PTPRD: variants seen among roughly 807,000 people sequenced by gnomAD.
PTPRD encodes protein tyrosine phosphatase receptor type D, also known as receptor-type tyrosine-protein phosphatase delta.
In PTPRD, 34 loss-of-function variants were observed where a neutral mutation model predicts 214.5. The ratio of observed to expected loss-of-function variants is 0.16; its 90% CI spans 0.12 to 0.21. The LOEUF is 0.21. Among genes scored for constraint, PTPRD ranks in the 10% least tolerant of loss-of-function variants. The pLI, the probability that PTPRD is intolerant of heterozygous loss-of-function variation, is 1.00. For missense variants in PTPRD, 2,545 were observed against 2,398.7 expected (o/e 1.06, Z -1.27); for synonymous variants, 1,128 against 845.7 (o/e 1.33, Z -5.79).
chr9:10,063,647 T>C (rs1339708922), intron 3 of PTPRD, among the ~76,000 whole-genome samples: 1 of 152,032 alleles, frequency 6.6e-6, no homozygotes, highest in Non-Finnish European at 1.5e-5. Context: ...TCATATGTAC[T>C]TGATTACAAA....
At chr9:8,762,990 A>C (rs1231740524) in intron 11 of PTPRD, among the ~76,000 whole-genome samples, 2 of 152,112 alleles carry the variant, frequency 1.3e-5, no homozygotes, top group Non-Finnish European at 2.9e-5. Flanking sequence ...CAGGCTATCC[A>C]ATGAGTCTCT....
At chr9:9,849,388 C>A (rs1488234049) in intron 5 of PTPRD, among the ~76,000 whole-genome samples, 1 of 152,102 alleles carries the variant, frequency 6.6e-6, no homozygotes, top group Non-Finnish European at 1.5e-5. Context: ...TATCAATGCT[C>A]TCTTTCAGTT....
chr9:8,717,050 C>A (rs1034422157), intron 12 of PTPRD, among the ~76,000 whole-genome samples: 1 of 152,112 alleles, frequency 6.6e-6, no homozygotes, highest in African/African-American at 2.4e-5. Context: ...TGCCTGTAAT[C>A]CCAGCTACTG....
At chr9:9,774,037 G>C (rs1485805648) in intron 5 of PTPRD, among the ~76,000 whole-genome samples, 1 of 152,186 alleles carries the variant, frequency 6.6e-6, no homozygotes, top group African/African-American at 2.4e-5. Flanking sequence ...GACTCATGCA[G>C]GTAAGTGGAC....
chr9:10,072,980 T>C (rs1177455111), intron 3 of PTPRD, among the ~76,000 whole-genome samples: 6 of 151,994 alleles, frequency 3.9e-5, no homozygotes, highest in Admixed American at 6.6e-5. Context: ...ATCCATAGAG[T>C]AGAATACTTC....
At chr9:9,499,569 T>C (rs894217760) in intron 8 of PTPRD, among the ~76,000 whole-genome samples, 1 of 152,112 alleles carries the variant, frequency 6.6e-6, no homozygotes, top group Non-Finnish European at 1.5e-5. Flanking sequence ...GCTGGTAAAG[T>C]TGGCTAATTT....
At chr9:10,446,468 G>T (rs896960509) in intron 2 of PTPRD, among the ~76,000 whole-genome samples, 2 of 107,676 alleles carry the variant, frequency 1.9e-5, no homozygotes, top group Admixed American at 2.6e-4. Flanking sequence ...ACAGCTAAAA[G>T]ATTGAAATTC....
chr9:10,393,205 T>A (rs1047709516), intron 2 of PTPRD, among the ~76,000 whole-genome samples: 4 of 151,848 alleles, frequency 2.6e-5, no homozygotes, highest in Non-Finnish European at 5.9e-5. Context: ...ATAGTGTCCA[T>A]AGTAATAAAC....
chr9:8,489,598 C>G (rs1197962043), intron 27 of PTPRD, among the ~76,000 whole-genome samples: 1 of 152,112 alleles, frequency 6.6e-6, no homozygotes, highest in South Asian at 2.1e-4. Flanking sequence ...AAGGGTCACA[C>G]GAAGCGATGC....
intron 4 of PTPRD, among the ~76,000 whole-genome samples, chr9:9,994,795 C>A (rs2096066717): frequency 6.6e-6 from 1 of 151,990 alleles, no homozygotes; most frequent in African/African-American, 2.4e-5. Context: ...CAAACAATAA[C>A]TTTTTGTTTT....
At chr9:9,862,479 G>A (rs2153693514) in intron 5 of PTPRD, among the ~76,000 whole-genome samples, 1 of 152,258 alleles carries the variant, frequency 6.6e-6, no homozygotes, top group East Asian at 1.9e-4. Context: ...TCTTCCTTGG[G>A]CTTAGGGAGA....
At chr9:9,305,440 T>C (rs1473384755) in intron 9 of PTPRD, among the ~76,000 whole-genome samples, 1 of 152,084 alleles carries the variant, frequency 6.6e-6, no homozygotes, top group East Asian at 1.9e-4. Context: ...GTTATTAAGG[T>C]AACCTATCTA....
At chr9:9,908,543 A>C (rs895275580) in intron 5 of PTPRD, among the ~76,000 whole-genome samples, 7 of 152,064 alleles carry the variant, frequency 4.6e-5, no homozygotes, top group African/African-American at 1.7e-4. Flanking sequence ...AATGTATATT[A>C]TTTCTCAAAT....
chr9:9,032,169 C>G (rs1232024221), intron 10 of PTPRD, among the ~76,000 whole-genome samples: 1 of 151,862 alleles, frequency 6.6e-6, no homozygotes, highest in Non-Finnish European at 1.5e-5. Flanking sequence ...AAGAGAGTTC[C>G]CAGCTGCTAC....
At chr9:8,343,149 ATT>A (rs34933091) in intron 39 of PTPRD, among the ~76,000 whole-genome samples, 3 of 151,272 alleles carry the variant, frequency 2.0e-5, no homozygotes, top group East Asian at 3.9e-4. Context: ...GTAAGAGATC[ATT>A]TTTTTTTTAA....
chr9:9,663,744 G>A (rs1301112353), intron 7 of PTPRD, among the ~76,000 whole-genome samples: 1 of 151,440 alleles, frequency 6.6e-6, no homozygotes, highest in Non-Finnish European at 1.5e-5. Context: ...TCACACAGCT[G>A]TATTAAGTGA....
intron 5 of PTPRD, among the ~76,000 whole-genome samples, chr9:9,769,765 C>A (rs945585875): frequency 4.1e-4 from 62 of 152,048 alleles, no homozygotes; most frequent in African/African-American, 1.4e-3. Flanking sequence ...CCCTAGCCCC[C>A]CACCCACCAA....
At chr9:8,824,565 T>C (rs1450149064) in intron 11 of PTPRD, among the ~76,000 whole-genome samples, 4 of 150,850 alleles carry the variant, frequency 2.7e-5, no homozygotes, top group Non-Finnish European at 5.9e-5. Context: ...ACAAAGAGTA[T>C]AACAGTAATA....
chr9:8,624,901 G>A (rs117304888), intron 14 of PTPRD, among the ~76,000 whole-genome samples: 1 of 151,716 alleles, frequency 6.6e-6, no homozygotes, highest in African/African-American at 2.4e-5. Context: ...CTGAAATAAT[G>A]ACTATTTTGT....
Sources: gnomAD v4.1 joint callset for allele counts (sites outside exome capture counted in the v4.1 genomes callset) on GRCh38, gnomAD v4.1.1 for gene constraint, MANE v1.5 for transcripts, NCBI Gene and HGNC (gene_info 2026-07-23, HGNC 2026-07-21) for gene names.